TF: variants seen among roughly 807,000 people sequenced by gnomAD.
The protein encoded by TF is transferrin, also known as serotransferrin.
TF carries 55 observed loss-of-function variants against 82.4 expected under a neutral mutation model. The observed-to-expected ratio is 0.67, with a 90% CI of 0.54 to 0.84. The LOEUF (loss-of-function observed/expected upper bound fraction) is 0.84, where lower values mean the gene tolerates loss of function less well. Ranked by LOEUF, TF falls within the 40% of genes least tolerant of loss-of-function variation. The pLI is 0.00. For synonymous variants in TF, 332 were observed against 332.6 expected, an observed-to-expected ratio of 1.00 and a Z score of 0.02; for missense variants, 737 against 868.4, an observed-to-expected ratio of 0.85 and a Z score of 1.90.
At chr3:133,687,264 C>T in the TF span, among the ~76,000 whole-genome samples, 1 of 152,060 alleles carries the variant, frequency 6.6e-6, no homozygotes, top group Non-Finnish European at 1.5e-5. Flanking sequence ...TTAGTTGGTG[C>T]AGCACACCAA....
chr3:133,701,444 CCTT>C, the TF span, among the ~76,000 whole-genome samples: 1 of 152,192 alleles, frequency 6.6e-6, no homozygotes, highest in Non-Finnish European at 1.5e-5. Context: ...TTCCTTCTTT[CCTT>C]CTTCTAGCTT....
intron 8 of TF, 42 bp from the exon 9 acceptor site, chr3:133,759,133 G>A (rs1217334232): frequency 1.2e-6 from 2 of 1,613,294 alleles, no homozygotes; most frequent in South Asian, 2.2e-5. Flanking sequence ...CCAGGCAACA[G>A]CTAGGGCCGC....
the TF span, among the ~76,000 whole-genome samples, chr3:133,693,119 A>G: frequency 6.6e-6 from 1 of 152,340 alleles, no homozygotes; most frequent in South Asian, 2.1e-4. Context: ...GGGAGCTGGC[A>G]GCTGAGTCTT....
intron 2 of TF, among the ~76,000 whole-genome samples, chr3:133,749,848 G>A (rs1559867561): frequency 6.6e-6 from 1 of 152,194 alleles, no homozygotes; most frequent in Non-Finnish European, 1.5e-5. Flanking sequence ...GTGCAGTGGT[G>A]ATGTGAGCAT....
the TF span, among the ~76,000 whole-genome samples, chr3:133,663,372 T>TA: frequency 1.3e-5 from 2 of 149,596 alleles, no homozygotes; most frequent in Non-Finnish European, 3.0e-5. Context: ...TTTTTTTTTT[T>TA]ACCAGAAATG....
the TF span, among the ~76,000 whole-genome samples, chr3:133,682,280 A>C: frequency 4.6e-5 from 7 of 152,232 alleles, no homozygotes; most frequent in Non-Finnish European, 7.3e-5. Context: ...GAAAATTCTA[A>C]AAATCAGAGC....
At chr3:133,706,604 C>T in the TF span, among the ~76,000 whole-genome samples, 1,591 of 151,948 alleles carry the variant, frequency 0.01, 29 homozygotes, top group African/African-American at 0.036. Flanking sequence ...AAATTTAATG[C>T]GCATTATGGT....
In TF at chr3:133,788,255, ACAT is replaced by A. The variant is rs376103050; in HGVS notation, c.*9638_*9640del. The A allele has an allele frequency of 6.6e-6, 1 of 152,360 alleles. No individual in the cohort carries two copies. Among genetic ancestry groups the A allele is most frequent in the African/African-American group, 2.4e-5 (1 of 41,582 alleles). The allele number at this position is 152,360 out of a possible 1,614,324, so 9.4% of individuals were successfully genotyped here. ...CATCCTCTCCATTTACATAGGGCGT[ACAT>A]CAAGTAAATGACTAGGGTGTATACT... On this transcript the variant is annotated 3_prime_UTR_variant, in exon 17 of 17. Transcript: ENST00000402696.
At chr3:133,699,818 C>T in the TF span, 1 of 221,252 alleles carries the variant, frequency 4.5e-6, no homozygotes, top group African/African-American at 2.3e-5. Context: ...AGGAATAAAA[C>T]CTCATCTGGA....
chr3:133,693,036 ACGGC>A, the TF span: 1 of 152,378 alleles, frequency 6.6e-6, no homozygotes, highest in South Asian at 2.1e-4. Context: ...GTATGTGTCC[ACGGC>A]CTCCAAGATG....
chr3:133,754,210 GGCAGACACGCT>G (rs1933760489), intron 3 of TF: 1 of 469,956 alleles, frequency 2.1e-6, no homozygotes, highest in Non-Finnish European at 3.9e-6. Flanking sequence ...GGTAGGTGTA[GGCAGACACGCT>G]GCAGGGCCAG....
intron 16 of TF, 111 bp downstream of exon 16, chr3:133,777,349 G>A: frequency 9.8e-7 from 1 of 1,016,858 alleles, no homozygotes; most frequent in Non-Finnish European, 1.5e-6. Context: ...AGGACAACAT[G>A]GACAAAATGA....
At chr3:133,734,440 G>T in the TF span, among the ~76,000 whole-genome samples, 1 of 152,156 alleles carries the variant, frequency 6.6e-6, no homozygotes, top group East Asian at 1.9e-4. Context: ...GTCTGCAGGA[G>T]CCAGCTGGAA....
At chr3:133,703,270 T>A in the TF span, among the ~76,000 whole-genome samples, 3 of 152,246 alleles carry the variant, frequency 2.0e-5, no homozygotes, top group East Asian at 5.8e-4. Context: ...ATTACTCATT[T>A]AGTCTTCATG....
At chr3:133,676,203 T>C in the TF span, among the ~76,000 whole-genome samples, 1 of 152,212 alleles carries the variant, frequency 6.6e-6, no homozygotes, top group African/African-American at 2.4e-5. Flanking sequence ...GCTGTGTGAC[T>C]CTGAGCTCTC....
chr3:133,662,927 G>A, the TF span, among the ~76,000 whole-genome samples: 1 of 152,104 alleles, frequency 6.6e-6, no homozygotes, highest in East Asian at 1.9e-4. Context: ...AGCAGCTTGA[G>A]TCTTAAGTTT....
intron 14 of TF, chr3:133,774,270 T>C (rs1934330699): frequency 6.6e-6 from 1 of 152,192 alleles, no homozygotes; most frequent in South Asian, 2.1e-4. Flanking sequence ...TCCACTTCTA[T>C]GTAAGCACAA....
At chr3:133,704,396 CTT>C in the TF span, 1 of 199,750 alleles carries the variant, frequency 5.0e-6, no homozygotes, top group African/African-American at 2.3e-5. Flanking sequence ...GAGGAAATAA[CTT>C]AGTTTAGTGT....
At chr3:133,665,872 T>C in the TF span, among the ~76,000 whole-genome samples, 1 of 146,228 alleles carries the variant, frequency 6.8e-6, no homozygotes, top group African/African-American at 2.5e-5. Context: ...GAGGCGGAGG[T>C]TGTGGTGAGC....
Sources: allele counts gnomAD v4.1 joint callset (sites outside exome capture counted in the v4.1 genomes callset), GRCh38; gene constraint gnomAD v4.1.1; transcripts MANE v1.5; gene names NCBI Gene and HGNC (gene_info 2026-07-23, HGNC 2026-07-21).